CARS2: variants seen among roughly 807,000 people sequenced by gnomAD.
CARS2 encodes probable cysteine--tRNA ligase, mitochondrial.
A neutral mutation model predicts 68.8 loss-of-function variants in CARS2; 52 were observed. The observed-to-expected ratio is 0.76, with a 90% confidence interval of 0.61 to 0.95. The LOEUF is 0.95. CARS2 is among the 40% of genes least tolerant of loss of function. The pLI is 0.00. For synonymous variants in CARS2, 314 were observed against 303.6 expected (o/e 1.03, Z -0.36); for missense variants, 780 against 754.2 (o/e 1.03, Z -0.40).
Position 110,645,977 on chromosome 13 carries a change from G to T in CARS2, c.1307C>A (p.Ala436Glu). Reference protein sequence around the residue: ...LAHHGNGQLRASLKEPEGPRS... With the variant: ...LAHHGNGQLRESLKEPEGPRS... ...TGTTCGTTGAGCTACCTTCAGGGACGCCCTGAGCTGTCCATTCCCGTGGTG... is the reference window on the plus strand; with the variant it reads ...TGTTCGTTGAGCTACCTTCAGGGACTCCCTGAGCTGTCCATTCCCGTGGTG... The change falls in exon 12 of 15, where the codon GCG becomes GAG. Residue 436 changes from alanine to glutamate, a missense_variant. Physicochemically the swap from Ala to Glu is moderately radical, Grantham distance 107. Coordinates refer to ENST00000257347, the MANE Select transcript of CARS2 (RefSeq NM_024537.4). The T allele has an allele frequency of 6.2e-7, 1 of 1,613,368 alleles. No homozygotes were observed. The highest frequency in any genetic ancestry group is 1.3e-5 in the African/African-American group (1 of 75,000).
chr13:110,692,076 A>G (rs2063483682), intron 3 of CARS2, among the ~76,000 whole-genome samples: 1 of 147,818 alleles, frequency 6.8e-6, no homozygotes, highest in African/African-American at 2.5e-5. Flanking sequence ...ATACACACAT[A>G]CATATATATA....
upstream of CARS2, chr13:110,706,491 G>C (rs567252251): frequency 1.8e-3 from 276 of 157,616 alleles, 1 homozygote; most frequent in African/African-American, 6.3e-3. Context: ...TTCTGTTGCC[G>C]GGCCCTGGCC....
rs1566641844 is a variant in CARS2, at chr13:110,646,072, C to T, written c.1212G>A (p.Arg404=). Residue 404 remains arginine, a synonymous_variant, in exon 12 of 15, where the codon AGG becomes AGA. Transcript: ENST00000257347. The part of the protein sequence containing the change: ...MLWERLSSTK[R]AVKAALADDF... The stretch of plus-strand genomic sequence containing the variant: ...CATCTGCCAAGGCCGCCTTCACGGC[C>T]CTCTTGGTGCTGGAGAGCCTGAGGG... 13 of 1,613,626 alleles carry T rather than the reference C, an allele frequency of 8.1e-6. No homozygotes were observed. Among genetic ancestry groups the T allele is most frequent in the Middle Eastern group, 1.7e-4 (1 of 6,042 alleles).
At position 110,705,847 on chromosome 13, in the gene CARS2, T is replaced by C; in HGVS notation, c.224+23A>G. On this transcript the variant is annotated intron_variant, in intron 1 of 14. Transcript: ENST00000257347. This position sits in a 1 kb window ranked among gnomAD's most constrained non-coding sequence, Gnocchi z 4.0. Reference sequence around the variant, plus strand: ...CTCCGCCACGATCGGCCCCCGCCCGTGCCCCAGTCCCGCGCGGCCCACCAG... The same window carrying C: ...CTCCGCCACGATCGGCCCCCGCCCGCGCCCCAGTCCCGCGCGGCCCACCAG... The C allele has an allele frequency of 6.5e-7, 1 of 1,541,504 alleles. No individual in the cohort carries two copies. Among genetic ancestry groups the C allele is most frequent in the Admixed American group, 1.9e-5 (1 of 51,372 alleles).
intron 3 of CARS2, among the ~76,000 whole-genome samples, chr13:110,689,940 G>T (rs2063409010): frequency 6.6e-6 from 1 of 152,174 alleles, no homozygotes; most frequent in African/African-American, 2.4e-5. Flanking sequence ...CTAAAGATCA[G>T]TGGGGTGGCC....
At position 110,677,093 on chromosome 13, in the gene CARS2, G is replaced by C. The variant is rs1555351973; in HGVS notation, c.666C>G (p.Asp222Glu). ...PGPVGEPADS[D>E]KRHASDFALW... The stretch of plus-strand genomic sequence containing the variant: ...GGGCGAAGTCACTGGCATGACGCTT[G>C]TCAGAGTCCGCTGCAGATGACAAAC... Residue 222 changes from aspartate (D) to glutamate (E), a missense_variant, in exon 7 of 15, where the codon GAC (aspartate) becomes GAG (glutamate). By Grantham distance (45) the Asp-to-Glu change is conservative. Transcript: ENST00000257347. 1.9e-6 allele frequency: 3 copies of C among 1,607,074 alleles called. No individual in the cohort carries two copies. Among genetic ancestry groups the C allele is most frequent in the Non-Finnish European group, 2.6e-6 (3 of 1,175,040 alleles).
upstream of CARS2, among the ~76,000 whole-genome samples, chr13:110,710,841 T>C (rs549432598): frequency 9.8e-5 from 15 of 152,336 alleles, no homozygotes; most frequent in East Asian, 1.7e-3. Flanking sequence ...ATATTCCTTG[T>C]TGAATGCTTA....
At chr13:110,701,186 C>T (rs2063774972) in intron 3 of CARS2, among the ~76,000 whole-genome samples, 1 of 152,140 alleles carries the variant, frequency 6.6e-6, no homozygotes, top group Admixed American at 6.5e-5. Flanking sequence ...GCCTGAGCCT[C>T]CTGAGGAGCT....
chr13:110,642,230 G>A, intron 14 of CARS2, 85 bp downstream of exon 14: 1 of 1,042,336 alleles, frequency 9.6e-7, no homozygotes, highest in Non-Finnish European at 1.4e-6. Context: ...TGGTCACGGG[G>A]GATGTCTGGG....
chr13:110,709,773 C>T (rs2064011865), upstream of CARS2, among the ~76,000 whole-genome samples: 1 of 151,648 alleles, frequency 6.6e-6, no homozygotes, highest in South Asian at 2.1e-4. Flanking sequence ...TAGTTCTGTC[C>T]CTCTAGAGAA....
Position 110,706,058 on chromosome 13 carries a change from GGGGCCCAGGCCT to G in CARS2, c.24_35del (p.Gly9_Pro12del). On this transcript the variant is annotated inframe_deletion, in exon 1 of 15. Transcript: ENST00000257347. ...GGCCCAGCGCGGCCTGGAGCAGCGG[GGGGCCCAGGCCT>G]GGGCCGCGCGTAGTCCTCAACATGT... 2 of 1,359,626 alleles carry G rather than the reference GGGGCCCAGGCCT, an allele frequency of 1.5e-6. No homozygotes were observed. The highest frequency in any genetic ancestry group is 1.9e-6 in the Non-Finnish European group (2 of 1,057,772). 84.2% of individuals were successfully genotyped at this position (1,359,626 alleles called of 1,614,324 possible). A position where few individuals can be genotyped will look rare whatever the true frequency, so the allele number is the denominator to read the frequency against.
chr13:110,665,951 T>C lies in CARS2; in HGVS notation c.919+1389A>G, dbSNP rs540828752. 4.0e-5 allele frequency: 39 copies of C among 985,340 alleles called. No individual in the cohort carries two copies. In the Admixed American group the frequency reaches 7.4e-4, roughly 19 times the overall value. The allele number at this position is 985,340 out of a possible 1,614,324, so 61.0% of individuals were successfully genotyped here. A position where few individuals can be genotyped will look rare whatever the true frequency, so the allele number is the denominator to read the frequency against. The stretch of plus-strand genomic sequence containing the variant: ...GTCAAAGTTTGCATCTCCAAATCTA[T>C]CACTACCAAACACTCTTTATCTTTC... On this transcript the variant is annotated intron_variant, in intron 8 of 14. Transcript: ENST00000257347. The surrounding 1 kb of genome is among the most constrained non-coding windows in gnomAD (Gnocchi z 4.3).
rs538895226 is a variant in CARS2, at chr13:110,653,330, A to G, written c.988-2230T>C. On this transcript the variant is annotated intron_variant, in intron 9 of 14. Transcript: ENST00000257347. This position sits in a 1 kb window ranked among gnomAD's most constrained non-coding sequence, Gnocchi z 5.6. The stretch of plus-strand genomic sequence containing the variant: ...CGGGTGCTCCTTCCCAAATTGTGAA[A>G]AAAGGAATATTACTCCTGGGTCCTC... Among the ~76,000 whole-genome samples, 157 of 152,230 alleles carry G rather than the reference A, an allele frequency of 1.0e-3. No individual in the cohort carries two copies. The highest frequency in any genetic ancestry group is 3.4e-3 in the Middle Eastern group (1 of 294).
intron 10 of CARS2, among the ~76,000 whole-genome samples, chr13:110,647,889 G>A (rs1594227076): frequency 6.6e-6 from 1 of 152,226 alleles, no homozygotes; most frequent in Non-Finnish European, 1.5e-5. Flanking sequence ...AGCAAAGCCA[G>A]CCACATATTT....
At chr13:110,677,714 G>C (rs1594334945) in intron 6 of CARS2, among the ~76,000 whole-genome samples, 2 of 65,018 alleles carry the variant, frequency 3.1e-5, no homozygotes, top group Admixed American at 2.7e-4. Flanking sequence ...CGGAAACCCA[G>C]ACAGCCACCC....
Position 110,683,133 on chromosome 13 carries a change from G to C in CARS2, c.573C>G (p.Gly191=), listed in dbSNP as rs1223141816. The C allele has an allele frequency of 5.1e-6, 8 of 1,578,180 alleles. No individual in the cohort carries two copies. The highest frequency in any genetic ancestry group is 6.9e-6 in the Non-Finnish European group (8 of 1,164,022). The change falls in exon 6 of 15, where the codon GGC becomes GGG. Residue 191 remains glycine (G), a splice_region_variant and synonymous_variant. Coordinates refer to ENST00000257347, the MANE Select transcript of CARS2 (RefSeq NM_024537.4). Reference sequence around the variant, plus strand: ...TAGACTTCAGATCGAAGTAGACATTGCCTGTTTATAAAGACAATTATGAAT... The same window carrying C: ...TAGACTTCAGATCGAAGTAGACATTCCCTGTTTATAAAGACAATTATGAAT... ...ARGNAYSTAK[G]NVYFDLKSRG...
intron 3 of CARS2, among the ~76,000 whole-genome samples, chr13:110,692,972 T>C (rs552657886): frequency 1.3e-5 from 2 of 151,306 alleles, no homozygotes; most frequent in Non-Finnish European, 2.9e-5. Context: ...TAGCTGGGTG[T>C]GGTGGTGGGC....
chr13:110,702,507 T>G (rs1280533237), intron 2 of CARS2, among the ~76,000 whole-genome samples: 5 of 152,222 alleles, frequency 3.3e-5, no homozygotes, highest in African/African-American at 1.2e-4. Flanking sequence ...TGCTCCTTCA[T>G]TCACCTCAAG....
intron 7 of CARS2, among the ~76,000 whole-genome samples, chr13:110,672,068 G>A (rs1010494900): frequency 6.6e-6 from 1 of 152,142 alleles, no homozygotes; most frequent in Non-Finnish European, 1.5e-5. Flanking sequence ...CATAAAGCAA[G>A]TCCTTAGAGA....
Sources: allele counts gnomAD v4.1 joint callset (sites outside exome capture counted in the v4.1 genomes callset), GRCh38; gene constraint gnomAD v4.1.1; non-coding constraint Gnocchi (gnomAD v3.1); transcripts MANE v1.5; gene names NCBI Gene and HGNC (gene_info 2026-07-23, HGNC 2026-07-21).